The following APMAP variants were observed in gnomAD, a reference collection of about 807,000 sequenced individuals.
APMAP encodes adipocyte plasma membrane associated protein.
In APMAP, 33 loss-of-function variants were observed where a neutral mutation model predicts 43.6. That is an observed-to-expected ratio of 0.76 (90% CI 0.57 to 1.01). The LOEUF is 1.01. APMAP is among the 50% of genes least tolerant of loss of function. The pLI, the probability that APMAP is intolerant of heterozygous loss-of-function variation, is 0.00. For synonymous variants in APMAP, 224 were observed against 216.7 expected, an observed-to-expected ratio of 1.03 and a Z score of -0.30; for missense variants, 498 against 540.7, an observed-to-expected ratio of 0.92 and a Z score of 0.78.
At chr20:24,964,130 GACAGGGCAGCCCC>G (rs2087922639) in intron 8 of APMAP, 108 bp from the exon 9 acceptor site, 11 of 1,154,516 alleles carry the variant, frequency 9.5e-6, no homozygotes, top group Non-Finnish European at 1.1e-5. Flanking sequence ...TCCTTCCCAT[GACAGGGCAGCCCC>G]ACAGGGCAGT....
chr20:24,965,716 A>G (rs1249027432), intron 8 of APMAP, among the ~76,000 whole-genome samples: 1 of 152,252 alleles, frequency 6.6e-6, no homozygotes, highest in African/African-American at 2.4e-5. Flanking sequence ...GGAAGGGGAC[A>G]GCCCAGCATG....
Position 24,963,727 on chromosome 20 carries a change from T to C in APMAP, c.*86A>G. On this transcript the variant is annotated 3_prime_UTR_variant, in exon 9 of 9. Coordinates refer to ENST00000217456, the MANE Select transcript of APMAP (RefSeq NM_020531.3). Reference sequence around the variant, plus strand: ...TGCATGTGGACACTTGAACCACGACTGTGTCCACAGCTCCTCCTGGACCAG... The same window carrying C: ...TGCATGTGGACACTTGAACCACGACCGTGTCCACAGCTCCTCCTGGACCAG... 7.3e-7 allele frequency: 1 copy of C among 1,369,358 alleles called. No individual in the cohort carries two copies. Among genetic ancestry groups the C allele is most frequent in the Non-Finnish European group, 1.0e-6 (1 of 976,468 alleles). The allele number at this position is 1,369,358 out of a possible 1,614,324, so 84.8% of individuals were successfully genotyped here.
chr20:24,985,844 T>C (rs746955614), intron 1 of APMAP, among the ~76,000 whole-genome samples: 6 of 152,190 alleles, frequency 3.9e-5, no homozygotes, highest in Non-Finnish European at 8.8e-5. Flanking sequence ...AAAAAAACCA[T>C]TGCCTGGGAG....
At position 24,980,455 on chromosome 20, in the gene APMAP, C is replaced by G. The variant is rs147756115; in HGVS notation, c.213-1573G>C. ...GCCTCGGTCACCTCAACACGCCGGG[C>G]AGCATGGGGTCACCATAGTCAAGAG... On this transcript the variant is annotated intron_variant, in intron 2 of 8. Coordinates refer to ENST00000217456, the MANE Select transcript of APMAP (RefSeq NM_020531.3). 4.6e-4 allele frequency among the ~76,000 whole-genome samples: 70 copies of G among 152,178 alleles called. 1 individual carries two copies. The highest frequency in any genetic ancestry group is 2.3e-3 in the South Asian group (11 of 4,824).
chr20:24,967,963 C>T (rs765887493), intron 8 of APMAP, among the ~76,000 whole-genome samples: 3 of 152,250 alleles, frequency 2.0e-5, no homozygotes, highest in Non-Finnish European at 4.4e-5. Context: ...GCACGCAGCC[C>T]CCAGGAGGGG....
chr20:24,973,863 A>G (rs552653431), intron 3 of APMAP, 126 bp from the exon 4 acceptor site: 1 of 748,916 alleles, frequency 1.3e-6, no homozygotes, highest in Admixed American at 2.9e-5. Context: ...CCAATTCTCA[A>G]GATGGAAGAG....
intron 1 of APMAP, among the ~76,000 whole-genome samples, chr20:24,987,702 T>C (rs901820845): frequency 6.6e-6 from 1 of 152,140 alleles, no homozygotes; most frequent in Admixed American, 6.5e-5. Context: ...ACTGCAAAAC[T>C]GGCCATTATA....
intron 5 of APMAP, 84 bp from the exon 6 acceptor site, chr20:24,970,455 T>A: frequency 2.3e-6 from 3 of 1,307,998 alleles, no homozygotes; most frequent in Non-Finnish European, 1.0e-6. Flanking sequence ...CTAACTGATT[T>A]AAAAAGAAAA....
At chr20:24,971,412 T>G in intron 5 of APMAP, 48 bp downstream of exon 5, 1 of 1,514,170 alleles carries the variant, frequency 6.6e-7, no homozygotes, top group Non-Finnish European at 9.2e-7. Flanking sequence ...ATATATTGTT[T>G]AAAAGATCTA....
intron 1 of APMAP, among the ~76,000 whole-genome samples, chr20:24,989,770 A>C (rs1337579967): frequency 3.9e-5 from 6 of 152,200 alleles, no homozygotes; most frequent in Non-Finnish European, 8.8e-5. Flanking sequence ...GCCATCTGAA[A>C]ATACACACCT....
chr20:24,978,305 T>C (rs1378247557), intron 3 of APMAP, among the ~76,000 whole-genome samples: 1 of 152,192 alleles, frequency 6.6e-6, no homozygotes, highest in Non-Finnish European at 1.5e-5. Flanking sequence ...TACCCTTAAG[T>C]GTACCCATCA....
intron 1 of APMAP, among the ~76,000 whole-genome samples, chr20:24,991,251 A>C (rs1354331427): frequency 6.6e-6 from 1 of 152,238 alleles, no homozygotes; most frequent in Non-Finnish European, 1.5e-5. Flanking sequence ...TTTCTGTAGG[A>C]AAGTGTTGCC....
chr20:24,986,637 A>G (rs1454897385), intron 1 of APMAP, among the ~76,000 whole-genome samples: 3 of 152,212 alleles, frequency 2.0e-5, no homozygotes, highest in African/African-American at 7.2e-5. Context: ...AAGGGCCAGG[A>G]AAAGAGGAAT....
At chr20:24,982,217 A>G (rs6138445) in intron 2 of APMAP, among the ~76,000 whole-genome samples, 1 of 143,380 alleles carries the variant, frequency 7.0e-6, no homozygotes, top group Non-Finnish European at 1.5e-5. Flanking sequence ...TGGCTGTGAC[A>G]GTTCCACTGC....
intron 2 of APMAP, among the ~76,000 whole-genome samples, chr20:24,981,947 G>GC (rs1361538970): frequency 1.3e-5 from 2 of 152,234 alleles, no homozygotes; most frequent in African/African-American, 4.8e-5. Flanking sequence ...CGTGCATGGG[G>GC]CATGGCCTGT....
chr20:24,968,275 G>T (rs937124526), intron 8 of APMAP, among the ~76,000 whole-genome samples: 8 of 152,192 alleles, frequency 5.3e-5, no homozygotes, highest in Non-Finnish European at 1.2e-4. Flanking sequence ...AGGGGCCATG[G>T]CTGGCCATTG....
chr20:24,963,857 A>G lies in APMAP; in HGVS notation c.1207T>C (p.Phe403Leu). The change falls in exon 9 of 9, where the codon TTC (phenylalanine) becomes CTC (leucine). Residue 403 changes from phenylalanine to leucine, a missense_variant. Phe to Leu is a conservative substitution (Grantham distance 22, BLOSUM62 0). Transcript: ENST00000217456. Reference sequence around the variant, plus strand: ...AGTCTGCAGAGGAAGGGGGACCTGAAAGAGCCCAGGTACAGGTGCCCATCG... The same window carrying G: ...AGTCTGCAGAGGAAGGGGGACCTGAGAGAGCCCAGGTACAGGTGCCCATCG... Reference protein sequence around the residue: ...EHDGHLYLGSFRSPFLCRLSL... With the variant: ...EHDGHLYLGSLRSPFLCRLSL... 1 of 1,614,224 alleles carries G rather than the reference A, an allele frequency of 6.2e-7. No homozygotes were observed. Among genetic ancestry groups the G allele is most frequent in the South Asian group, 1.1e-5 (1 of 91,090 alleles).
intron 7 of APMAP, 59 bp downstream of exon 7, chr20:24,969,467 C>A: frequency 6.5e-7 from 1 of 1,547,384 alleles, no homozygotes; most frequent in Non-Finnish European, 8.8e-7. Flanking sequence ...ATGCCCACCC[C>A]ACCCCGGCCA....
chr20:24,969,729 T>C lies in APMAP; in HGVS notation c.714-69A>G, dbSNP rs1268941819. 4.5e-6 allele frequency: 7 copies of C among 1,542,200 alleles called. No individual in the cohort carries two copies. The East Asian group carries it at 1.4e-4, about 30-fold the overall frequency. On this transcript the variant is annotated intron_variant, in intron 6 of 8. Coordinates refer to ENST00000217456, the MANE Select transcript of APMAP (RefSeq NM_020531.3). ...GCTCCCACTCTGGGCCTTCAGGGTA[T>C]GGGCCTGAAGAAGGTGACTCCGCCT... is the stretch of plus-strand genomic sequence containing the variant.
Sources: gnomAD v4.1 joint callset for allele counts (sites outside exome capture counted in the v4.1 genomes callset) on GRCh38, gnomAD v4.1.1 for gene constraint, MANE v1.5 for transcripts, NCBI Gene and HGNC (gene_info 2026-07-23, HGNC 2026-07-21) for gene names.